The following CEP83 variants were observed in gnomAD, a reference collection of about 807,000 sequenced individuals.
CEP83 encodes centrosomal protein of 83 kDa.
CEP83 carries 70 observed loss-of-function variants against 101.9 expected under a neutral mutation model. The ratio of observed to expected loss-of-function variants is 0.69; its 90% CI spans 0.57 to 0.84. The LOEUF (loss-of-function observed/expected upper bound fraction) is 0.84. Among genes scored for constraint, CEP83 ranks in the 40% least tolerant of loss-of-function variants. The pLI is 0.00. For missense variants in CEP83, 715 were observed against 787.2 expected (o/e 0.91, Z 1.10); for synonymous variants, 264 against 267.9 (o/e 0.99, Z 0.14).
chr12:94,416,878 C>T (rs914714461), intron 2 of CEP83, among the ~76,000 whole-genome samples: 1 of 151,946 alleles, frequency 6.6e-6, no homozygotes, highest in Non-Finnish European at 1.5e-5. Context: ...GGCAGAACCA[C>T]CAACAGTAAT....
At chr12:94,284,109 G>A in the CEP83 span, among the ~76,000 whole-genome samples, 59 of 129,104 alleles carry the variant, frequency 4.6e-4, no homozygotes, top group African/African-American at 1.4e-3. Context: ...AAAAAAAAAA[G>A]CAGGGTTTGC....
chr12:94,441,159 T>G (rs2066371152), intron 1 of CEP83, among the ~76,000 whole-genome samples: 1 of 151,838 alleles, frequency 6.6e-6, no homozygotes, highest in South Asian at 2.1e-4. Context: ...GCAACAAAAA[T>G]GAAATAAATG....
chr12:94,361,937 G>A (rs369216788), intron 11 of CEP83, among the ~76,000 whole-genome samples: 1 of 152,122 alleles, frequency 6.6e-6, no homozygotes, highest in Non-Finnish European at 1.5e-5. Context: ...CTGACCTCAG[G>A]TGATCCACCC....
chr12:94,287,854 ACTGTTCTAGGG>A, the CEP83 span, among the ~76,000 whole-genome samples: 1 of 152,166 alleles, frequency 6.6e-6, no homozygotes, highest in Non-Finnish European at 1.5e-5. Context: ...TGTACTGGGT[ACTGTTCTAGGG>A]CTTTGACCAA....
chr12:94,326,767 C>T (rs1275093228), intron 14 of CEP83, among the ~76,000 whole-genome samples: 6 of 152,084 alleles, frequency 3.9e-5, no homozygotes, highest in South Asian at 2.1e-4. Context: ...AGTGATGTGC[C>T]TGTCTAAAAC....
chr12:94,278,370 TTTG>T, the CEP83 span, among the ~76,000 whole-genome samples: 1 of 152,232 alleles, frequency 6.6e-6, no homozygotes, highest in Non-Finnish European at 1.5e-5. Flanking sequence ...CAGGTAAAAC[TTTG>T]TTGTTTTAGA....
chr12:94,386,018 T>A (rs887563213), intron 6 of CEP83, among the ~76,000 whole-genome samples: 6 of 152,204 alleles, frequency 3.9e-5, no homozygotes, highest in Admixed American at 3.3e-4. Flanking sequence ...TAGTATACTG[T>A]GCCATCTAGG....
At chr12:94,310,379 C>A (rs959555183) in intron 15 of CEP83, among the ~76,000 whole-genome samples, 1 of 151,386 alleles carries the variant, frequency 6.6e-6, no homozygotes, top group African/African-American at 2.4e-5. Context: ...GGTACTCACT[C>A]CTACCCTCCT....
chr12:94,274,056 C>A, the CEP83 span, among the ~76,000 whole-genome samples: 1 of 148,302 alleles, frequency 6.7e-6, no homozygotes, highest in East Asian at 2.0e-4. Flanking sequence ...TGTGGTGGCT[C>A]ACACCTGTAA....
intron 4 of CEP83, among the ~76,000 whole-genome samples, chr12:94,410,370 G>T (rs532323302): frequency 6.6e-6 from 1 of 152,168 alleles, no homozygotes; most frequent in African/African-American, 2.4e-5. Context: ...TTTACCACAT[G>T]AGAAAACTAG....
At chr12:94,282,833 G>A in the CEP83 span, 1 of 154,384 alleles carries the variant, frequency 6.5e-6, no homozygotes, top group African/African-American at 2.4e-5. Flanking sequence ...GCTTCCTGAA[G>A]AAGTTCTAAA....
the CEP83 span, among the ~76,000 whole-genome samples, chr12:94,290,171 C>T: frequency 6.6e-6 from 1 of 152,220 alleles, no homozygotes; most frequent in Non-Finnish European, 1.5e-5. Flanking sequence ...GACAATTACC[C>T]AGAATGAATC....
At chr12:94,383,025 TCAAA>T (rs1003091409) in intron 6 of CEP83, among the ~76,000 whole-genome samples, 2 of 152,104 alleles carry the variant, frequency 1.3e-5, no homozygotes, top group Non-Finnish European at 2.9e-5. Flanking sequence ...AATTTTTGCT[TCAAA>T]CATTTTGCAC....
At position 94,367,868 on chromosome 12, in the gene CEP83, CT is replaced by C. The variant is rs1335067835; in HGVS notation, c.1268del (p.Lys423ArgfsTer27). On this transcript the variant is annotated frameshift_variant, in exon 11 of 17. Coordinates refer to ENST00000397809, the MANE Select transcript of CEP83 (RefSeq NM_016122.3). LOFTEE classifies it high-confidence loss of function. ...VEHDVWRQSE[K>X]DQYEEKLRAS... ...CCCGCAATTTCTCTTCATACTGATC[CT>C]TTTCAGATTGCCTCCAGACATCATG... is the stretch of plus-strand genomic sequence containing the variant. 6.2e-7 allele frequency: 1 copy of C among 1,613,552 alleles called. No homozygotes were observed. Among genetic ancestry groups the C allele is most frequent in the East Asian group, 2.2e-5 (1 of 44,846 alleles).
intron 1 of CEP83, among the ~76,000 whole-genome samples, chr12:94,439,614 AAAG>A (rs1164462325): frequency 1.3e-5 from 2 of 152,104 alleles, no homozygotes; most frequent in East Asian, 3.8e-4. Flanking sequence ...TCAGACATTC[AAAG>A]AAGAATTGGT....
intron 14 of CEP83, among the ~76,000 whole-genome samples, chr12:94,321,522 G>A (rs746650308): frequency 1.4e-4 from 21 of 152,180 alleles, no homozygotes; most frequent in Non-Finnish European, 7.3e-5. Context: ...CTGCTGGGCT[G>A]CCTCTGATTG....
At chr12:94,435,586 G>A (rs2065927189) in intron 1 of CEP83, among the ~76,000 whole-genome samples, 1 of 152,158 alleles carries the variant, frequency 6.6e-6, no homozygotes, top group Non-Finnish European at 1.5e-5. Context: ...AGAAACCCCA[G>A]TACTTATCCT....
chr12:94,320,373 G>A (rs1175990350), intron 14 of CEP83, among the ~76,000 whole-genome samples: 1 of 152,154 alleles, frequency 6.6e-6, no homozygotes, highest in Non-Finnish European at 1.5e-5. Flanking sequence ...GTGTGGATTT[G>A]ATCCTGTCAT....
chr12:94,276,853 G>C, the CEP83 span: 1 of 152,136 alleles, frequency 6.6e-6, no homozygotes, highest in East Asian at 1.9e-4. Flanking sequence ...AGAACATAAA[G>C]GTTCTCTGAG....
Sources: allele counts gnomAD v4.1 joint callset (sites outside exome capture counted in the v4.1 genomes callset), GRCh38; gene constraint gnomAD v4.1.1; transcripts MANE v1.5; gene names NCBI Gene and HGNC (gene_info 2026-07-23, HGNC 2026-07-21).